B4GALNT4: variants seen among roughly 807,000 people sequenced by gnomAD.
B4GALNT4 encodes N-acetyl-beta-glucosaminyl-glycoprotein 4-beta-N-acetylgalactosaminyltransferase 1.
B4GALNT4 carries 77 observed loss-of-function variants against 110.0 expected under a neutral mutation model. That is an observed-to-expected ratio of 0.70 (90% confidence interval 0.58 to 0.85). The LOEUF is 0.85. Ranked by LOEUF, B4GALNT4 falls within the 40% of genes least tolerant of loss-of-function variation. B4GALNT4 has a pLI of 0.00. For synonymous variants in B4GALNT4, 785 were observed against 655.5 expected (o/e 1.20, Z -3.02); for missense variants, 1,575 against 1,506.0 (o/e 1.05, Z -0.76).
At chr11:379,784 C>G in intron 15 of B4GALNT4, 82 bp from the exon 16 acceptor site, 1 of 1,513,468 alleles carries the variant, frequency 6.6e-7, no homozygotes, top group Non-Finnish European at 8.8e-7. Context: ...TGTGGGTGTC[C>G]GGGATGAAGT....
At position 379,410 on chromosome 11, in the gene B4GALNT4, C is replaced by G. The variant is rs756932835; in HGVS notation, c.2205-8C>G. The G allele has an allele frequency of 6.0e-6, 9 of 1,500,558 alleles. No individual in the cohort carries two copies. In the South Asian group the frequency reaches 1.1e-4, roughly 19 times the overall value. 93.0% of individuals were successfully genotyped at this position (1,500,558 alleles called of 1,614,324 possible). ...GCCCCAGTACCGGCTGACCGCTGAG[C>G]CTTGCAGGCGCTTCGCGCTTCTGCG... On this transcript the variant is annotated splice_polypyrimidine_tract_variant and splice_region_variant and intron_variant, in intron 14 of 19. Transcript: ENST00000329962.
rs1846767442 is a variant in B4GALNT4 at position 376,859 on chromosome 11, C to G, written c.1736C>G (p.Thr579Ser). The G allele has an allele frequency of 7.6e-7, 1 of 1,322,116 alleles. No individual in the cohort carries two copies. Among genetic ancestry groups the G allele is most frequent in the African/African-American group, 1.6e-5 (1 of 64,038 alleles). 81.9% of individuals were successfully genotyped at this position (1,322,116 alleles called of 1,614,324 possible). The change falls in exon 14 of 20, where the codon ACC (threonine) becomes AGC (serine). Residue 579 changes from threonine to serine, a missense_variant. By Grantham distance (58) the Thr-to-Ser change is moderately conservative. Coordinates refer to ENST00000329962, the MANE Select transcript of B4GALNT4 (RefSeq NM_178537.5). ...CCACCCCGGCCCCACGGCCGCAGGACCGGCGGCCCCCAGGCCACACAGCCG... is the reference window on the plus strand; with the variant it reads ...CCACCCCGGCCCCACGGCCGCAGGAGCGGCGGCCCCCAGGCCACACAGCCG... ...PRPPRPHGRR[T>S]GGPQATQPRP...
At chr11:381,635 G>A (rs376142873) in intron 19 of B4GALNT4, 34 bp from the exon 20 acceptor site, 127 of 1,541,128 alleles carry the variant, frequency 8.2e-5, no homozygotes, top group African/African-American at 6.6e-4. Context: ...CCCCAACCCC[G>A]GGGTCCTGAC....
chr11:376,824 GC>G lies in B4GALNT4; in HGVS notation c.1706del (p.Pro569HisfsTer57). 4.5e-6 allele frequency: 6 copies of G among 1,343,038 alleles called. No individual in the cohort carries two copies. Among genetic ancestry groups the G allele is most frequent in the Admixed American group, 3.4e-5 (1 of 29,180 alleles). 83.2% of individuals were successfully genotyped at this position (1,343,038 alleles called of 1,614,324 possible). On this transcript the variant is annotated frameshift_variant, in exon 14 of 20. Transcript: ENST00000329962. LOFTEE classifies it high-confidence loss of function. ...CTCTGCCCAGAGTGCAGCTGCGGGC[GC>G]CCCCACGCCCACCCCGGCCCCACGG... is the stretch of plus-strand genomic sequence containing the variant. ...RPLPRVQLRA[P>X]PRPPRPHGRR...
intron 1 of B4GALNT4, among the ~76,000 whole-genome samples, chr11:371,059 C>T (rs73400526): frequency 0.036 from 5,410 of 152,292 alleles, 324 homozygotes; most frequent in African/African-American, 0.12. Flanking sequence ...AACCAGCCCC[C>T]TCTGCAGGCT....
At position 369,812 on chromosome 11, in the gene B4GALNT4, G is replaced by C. The variant is rs961913861; in HGVS notation, c.9G>C (p.Arg3=). 1.5e-5 allele frequency: 15 copies of C among 982,170 alleles called. No homozygotes were observed. The highest frequency in any genetic ancestry group is 1.8e-5 in the Non-Finnish European group (15 of 829,056). The allele number at this position is 982,170 out of a possible 1,614,324, so 60.8% of individuals were successfully genotyped here. Residue 3 remains arginine, a synonymous_variant, in exon 1 of 20, where the codon CGG becomes CGC. Coordinates refer to ENST00000329962, the MANE Select transcript of B4GALNT4 (RefSeq NM_178537.5). The stretch of plus-strand genomic sequence containing the variant: ...CGGGCGCGGCGGCCGCGATGCCGCG[G>C]CTCCCGGTGAAGAAGATCCGTAAGC... MP[R]LPVKKIRKQM...
intron 14 of B4GALNT4, 97 bp downstream of exon 14, chr11:377,424 C>G: frequency 2.3e-6 from 3 of 1,319,460 alleles, no homozygotes; most frequent in Non-Finnish European, 2.0e-6. Context: ...AGACCTTCCC[C>G]AGGGCCCAGT....
chr11:370,617 CAT>C (rs1315697872), intron 1 of B4GALNT4, among the ~76,000 whole-genome samples: 3 of 152,182 alleles, frequency 2.0e-5, no homozygotes, highest in Admixed American at 1.3e-4. Context: ...TGATCTTTGA[CAT>C]ACACCTTTGG....
At position 376,510 on chromosome 11, in the gene B4GALNT4, GCCCC is replaced by G; in HGVS notation, c.1388_1391del (p.Ala463GlufsTer31). 1 of 1,172,120 alleles carries G rather than the reference GCCCC, an allele frequency of 8.5e-7. No homozygotes were observed. The highest frequency in any genetic ancestry group is 1.1e-6 in the Non-Finnish European group (1 of 895,910). The allele number at this position is 1,172,120 out of a possible 1,614,324, so 72.6% of individuals were successfully genotyped here. On this transcript the variant is annotated frameshift_variant, in exon 14 of 20. Coordinates refer to ENST00000329962, the MANE Select transcript of B4GALNT4 (RefSeq NM_178537.5). LOFTEE classifies it high-confidence loss of function. ...GCCCAGGAGCGGCCCCCAGTCCCCC[GCCCC>G]AGCAGCCCCCGCCCAGCCCGGAGCC...
Position 380,020 on chromosome 11 carries a change from G to T in B4GALNT4, c.2642+1G>T. ...CCCTGCGCGCCGCGCGCCTGCCCCG[G>T]TAACGACCCCTACTTCCACCTGGGC... On this transcript the variant is annotated splice_donor_variant, in intron 16 of 19. Transcript: ENST00000329962. LOFTEE classifies it high-confidence loss of function. 6.2e-7 allele frequency: 1 copy of T among 1,611,558 alleles called. No homozygotes were observed. Among genetic ancestry groups the T allele is most frequent in the Non-Finnish European group, 8.5e-7 (1 of 1,178,806 alleles).
chr11:376,097 C>A lies in B4GALNT4; in HGVS notation c.1119C>A (p.Pro373=), dbSNP rs1241719694. The A allele has an allele frequency of 1.2e-6, 2 of 1,611,424 alleles. No individual in the cohort carries two copies. Among genetic ancestry groups the A allele is most frequent in the Non-Finnish European group, 1.7e-6 (2 of 1,179,102 alleles). Residue 373 remains proline, a synonymous_variant, in exon 12 of 20, where the codon CCC becomes CCA. Transcript: ENST00000329962. ...AGGTGTACCTGTCCTTCGTTTATCCCAACGACTACACTCGCCTCACCCACA... is the reference window on the plus strand; with the variant it reads ...AGGTGTACCTGTCCTTCGTTTATCCAAACGACTACACTCGCCTCACCCACA... ...LQFVYLSFVY[P]NDYTRLTHME... is the part of the protein sequence containing the mutation.
rs1846662297 is a variant in B4GALNT4 at position 373,486 on chromosome 11, A to T, written c.674A>T (p.Lys225Met). 1 of 1,602,336 alleles carries T rather than the reference A, an allele frequency of 6.2e-7. No individual in the cohort carries two copies. The highest frequency in any genetic ancestry group is 1.4e-5 in the African/African-American group (1 of 72,242). Residue 225 changes from lysine to methionine, a missense_variant, in exon 7 of 20, where the codon AAG (lysine) becomes ATG (methionine). Physicochemically the swap from Lys to Met is moderately conservative, Grantham distance 95 (BLOSUM62 -1). Transcript: ENST00000329962. The stretch of plus-strand genomic sequence containing the variant: ...TGGACAGCGCCTGGAGAATTCACCA[A>T]GTTCAGCTCCCAGGTGTCCAAGCCC... ...SEWTAPGEFT[K>M]FSSQVSKPRR... is the part of the protein sequence containing the mutation.
chr11:375,341 C>T, intron 8 of B4GALNT4, 120 bp from the exon 9 acceptor site: 1 of 1,051,046 alleles, frequency 9.5e-7, no homozygotes, highest in Non-Finnish European at 1.5e-6. Flanking sequence ...GCCATCTCCT[C>T]TCCTGCATCC....
chr11:373,219 C>G lies in B4GALNT4; in HGVS notation c.564C>G (p.Asp188Glu). Residue 188 changes from aspartate to glutamate, a missense_variant, in exon 6 of 20, where the codon GAC becomes GAG. Asp to Glu is a conservative substitution (Grantham distance 45). Transcript: ENST00000329962. ...ACGTCCAGTTTTCTGTGGCCTCAGACGACAACTCGGAGTTCTGGCTGAGTC... is the reference window on the plus strand; with the variant it reads ...ACGTCCAGTTTTCTGTGGCCTCAGAGGACAACTCGGAGTTCTGGCTGAGTC... ...DGDVQFSVAS[D>E]DNSEFWLSLD... 1 of 1,612,238 alleles carries G rather than the reference C, an allele frequency of 6.2e-7. No homozygotes were observed. The highest frequency in any genetic ancestry group is 8.5e-7 in the Non-Finnish European group (1 of 1,179,594).
In B4GALNT4 at chr11:376,309, G is replaced by A. The variant is rs750054367; in HGVS notation, c.1255G>A (p.Asp419Asn). 6.2e-6 allele frequency: 10 copies of A among 1,610,348 alleles called. No homozygotes were observed. The highest frequency in any genetic ancestry group is 4.5e-5 in the East Asian group (2 of 44,814). ...GGAGGAGGGGGATGAGGATGAAGAA[G>A]ACGAGGTGCAGCGCCGAGCCTTCCT... Reference protein sequence around the residue: ...DKEEGDEDEEDEVQRRAFLFL... With the variant: ...DKEEGDEDEENEVQRRAFLFL... The change falls in exon 13 of 20, where the codon GAC becomes AAC. Residue 419 changes from aspartate (D) to asparagine (N), a missense_variant. Asp to Asn is a conservative substitution (Grantham distance 23). Transcript: ENST00000329962.
intron 18 of B4GALNT4, 99 bp from the exon 19 acceptor site, chr11:380,726 C>G: frequency 3.8e-6 from 6 of 1,588,514 alleles, no homozygotes; most frequent in East Asian, 2.2e-5. Flanking sequence ...TGATGGGACC[C>G]GGCACCTGAC....
chr11:373,498 A>C lies in B4GALNT4; in HGVS notation c.686A>C (p.Gln229Pro), dbSNP rs1219435020. The stretch of plus-strand genomic sequence containing the variant: ...GGAGAATTCACCAAGTTCAGCTCCC[A>C]GGTGTCCAAGCCCAGGCGGTGAGTG... ...APGEFTKFSS[Q>P]VSKPRRLMAS... Residue 229 changes from glutamine (Q) to proline (P), a missense_variant, in exon 7 of 20, where the codon CAG becomes CCG. Gln to Pro is a moderately conservative substitution (Grantham distance 76, BLOSUM62 -1). Transcript: ENST00000329962. 1 of 1,604,828 alleles carries C rather than the reference A, an allele frequency of 6.2e-7. No individual in the cohort carries two copies. The highest frequency in any genetic ancestry group is 1.4e-5 in the African/African-American group (1 of 73,334).
chr11:377,237 G>A lies in B4GALNT4; in HGVS notation c.2114G>A (p.Cys705Tyr), dbSNP rs1846776921. 1.3e-6 allele frequency: 2 copies of A among 1,598,262 alleles called. No individual in the cohort carries two copies. The highest frequency in any genetic ancestry group is 1.1e-5 in the South Asian group (1 of 88,608). The part of the protein sequence containing the change: ...LLRSDWNDLR[C>Y]NVSGNLQLPE... ...CGCTCGGACTGGAACGACCTGCGAT[G>A]CAACGTTTCGGGGAACCTGCAGCTG... Residue 705 changes from cysteine to tyrosine, a missense_variant, in exon 14 of 20, where the codon TGC becomes TAC. Cys to Tyr is a radical substitution (Grantham distance 194). Transcript: ENST00000329962.
chr11:376,688 C>G lies in B4GALNT4; in HGVS notation c.1565C>G (p.Pro522Arg). The change falls in exon 14 of 20, where the codon CCC (proline) becomes CGC (arginine). Residue 522 changes from proline (P) to arginine (R), a missense_variant. Physicochemically the swap from Pro to Arg is moderately radical, Grantham distance 103. Coordinates refer to ENST00000329962, the MANE Select transcript of B4GALNT4 (RefSeq NM_178537.5). ...PPPRPAVEQPPPKVYVTRVRP... is the reference protein window; with the variant it reads ...PPPRPAVEQPRPKVYVTRVRP... ...CCGCGCCCTGCAGTGGAGCAGCCGC[C>G]CCCAAAGGTGTACGTGACCAGGGTG... is the stretch of plus-strand genomic sequence containing the variant. 7.0e-7 allele frequency: 1 copy of G among 1,428,220 alleles called. No homozygotes were observed. Among genetic ancestry groups the G allele is most frequent in the Non-Finnish European group, 9.1e-7 (1 of 1,095,768 alleles). The allele number at this position is 1,428,220 out of a possible 1,614,324, so 88.5% of individuals were successfully genotyped here.
Sources: allele counts gnomAD v4.1 joint callset (sites outside exome capture counted in the v4.1 genomes callset), GRCh38; gene constraint gnomAD v4.1.1; transcripts MANE v1.5; gene names NCBI Gene and HGNC (gene_info 2026-07-23, HGNC 2026-07-21).